The following MYLK variants were observed in gnomAD, a reference collection of about 807,000 sequenced individuals.
MYLK encodes myosin light chain kinase.
A neutral mutation model predicts 203.4 loss-of-function variants in MYLK; 106 were observed. The observed-to-expected ratio is 0.52, with a 90% CI of 0.45 to 0.61. MYLK has a LOEUF of 0.61. Ranked by LOEUF, MYLK falls within the 20% of genes least tolerant of loss-of-function variation. The probability of loss-of-function intolerance (pLI) is 0.00; values close to 1 mark genes in which losing one functional copy is unlikely to be tolerated. For synonymous variants in MYLK, 867 were observed against 959.5 expected (o/e 0.90, Z 1.78); for missense variants, 2,072 against 2,442.3 (o/e 0.85, Z 3.20).
chr3:123,632,362 C>T (rs72968587), intron 29 of MYLK, among the ~76,000 whole-genome samples: 15,517 of 152,154 alleles, frequency 0.1, 1,886 homozygotes, highest in African/African-American at 0.28. Context: ...GGGGGAAGTC[C>T]GGCAGTACTC....
At chr3:123,775,814 C>CCT (rs1340416406) in intron 4 of MYLK, among the ~76,000 whole-genome samples, 1 of 152,132 alleles carries the variant, frequency 6.6e-6, no homozygotes, top group African/African-American at 2.4e-5. Context: ...AGTCAGTGAA[C>CCT]CTCTGGGAAG....
chr3:123,832,009 A>T (rs2066346709), intron 2 of MYLK, among the ~76,000 whole-genome samples: 1 of 152,206 alleles, frequency 6.6e-6, no homozygotes, highest in African/African-American at 2.4e-5. Context: ...GCCTTCCTGC[A>T]GGTGAAAGGC....
intron 29 of MYLK, among the ~76,000 whole-genome samples, chr3:123,637,212 G>A (rs1441448701): frequency 6.6e-6 from 1 of 152,142 alleles, no homozygotes; most frequent in African/African-American, 2.4e-5. Context: ...ACAGGTTCAG[G>A]GGCTAATGAC....
At chr3:123,675,885 G>A (rs2060057688) in intron 20 of MYLK, among the ~76,000 whole-genome samples, 1 of 152,210 alleles carries the variant, frequency 6.6e-6, no homozygotes, top group African/African-American at 2.4e-5. Flanking sequence ...GTCTCATCCA[G>A]TACATGCTTA....
rs2057261461 is a variant in MYLK at position 123,612,132 on chromosome 3, C to T, written c.*1973G>A. ...TGAACTAAATGTGTAAATTCGGCTA[C>T]CTATATAAACAAGAACTTCCTAAAT... On this transcript the variant is annotated 3_prime_UTR_variant, in exon 34 of 34. Coordinates refer to ENST00000360304, the MANE Select transcript of MYLK (RefSeq NM_053025.4). 1 of 152,610 alleles carries T rather than the reference C, an allele frequency of 6.6e-6. No homozygotes were observed. Among genetic ancestry groups the T allele is most frequent in the African/African-American group, 2.4e-5 (1 of 41,444 alleles). The allele number at this position is 152,610 out of a possible 1,614,324, so 9.5% of individuals were successfully genotyped here.
chr3:123,629,718 A>G lies in MYLK; in HGVS notation c.4962-92T>C. 7.2e-7 allele frequency: 1 copy of G among 1,392,592 alleles called. No individual in the cohort carries two copies. Among genetic ancestry groups the G allele is most frequent in the Non-Finnish European group, 1.0e-6 (1 of 986,896 alleles). The allele number at this position is 1,392,592 out of a possible 1,614,324, so 86.3% of individuals were successfully genotyped here. ...CTGAGGTCAAAGGCGAGGGTCGGCC[A>G]GCCTCCCCACCCCCAAACTCATGCT... On this transcript the variant is annotated intron_variant, in intron 29 of 33. Coordinates refer to ENST00000360304, the MANE Select transcript of MYLK (RefSeq NM_053025.4). The surrounding 1 kb of genome is among the most constrained non-coding windows in gnomAD (Gnocchi z 4.4).
At chr3:123,652,298 A>G (rs955776739) in intron 24 of MYLK, among the ~76,000 whole-genome samples, 1 of 152,194 alleles carries the variant, frequency 6.6e-6, no homozygotes, top group African/African-American at 2.4e-5. Context: ...GAACTTAAAA[A>G]AAAAAAAAAT....
intron 31 of MYLK, chr3:123,621,650 C>A: frequency 6.6e-6 from 1 of 152,316 alleles, no homozygotes. Context: ...AAGAGGAGAC[C>A]TACTGCAGTG....
intron 2 of MYLK, among the ~76,000 whole-genome samples, chr3:123,846,896 A>G (rs1217327397): frequency 6.6e-6 from 1 of 151,380 alleles, no homozygotes; most frequent in Non-Finnish European, 1.5e-5. Context: ...TGAAAATGGG[A>G]TCCTTTATCT....
intron 4 of MYLK, among the ~76,000 whole-genome samples, chr3:123,769,374 C>T (rs939573860): frequency 4.7e-4 from 71 of 152,158 alleles, no homozygotes; most frequent in Admixed American, 4.1e-3. Context: ...GCCAGTAACA[C>T]GGGTTATGTT....
intron 24 of MYLK, among the ~76,000 whole-genome samples, chr3:123,649,621 C>T (rs1239339835): frequency 3.3e-5 from 5 of 152,184 alleles, no homozygotes; most frequent in Non-Finnish European, 2.9e-5. Flanking sequence ...ACATTGTTGA[C>T]GGCATCCCAG....
At chr3:123,799,661 C>G (rs1486005492) in intron 3 of MYLK, among the ~76,000 whole-genome samples, 1 of 152,194 alleles carries the variant, frequency 6.6e-6, no homozygotes, top group Non-Finnish European at 1.5e-5. Flanking sequence ...GCCCCAGGCA[C>G]TGACAGCTCC....
At chr3:123,698,601 A>G (rs1427600740) in intron 18 of MYLK, among the ~76,000 whole-genome samples, 1 of 152,114 alleles carries the variant, frequency 6.6e-6, no homozygotes, top group Non-Finnish European at 1.5e-5. Context: ...GAGCCAGCAG[A>G]GGTGGGGGAT....
At position 123,764,990 on chromosome 3, in the gene MYLK, T is replaced by C. The variant is rs57481692; in HGVS notation, c.166-12452A>G. 0.022 allele frequency among the ~76,000 whole-genome samples: 3,308 copies of C among 152,242 alleles called. 416 individuals are homozygous for C. In the East Asian group the frequency reaches 0.38, roughly 17 times the overall value. ...TCTCTCCTCATTCTTTCTGTCCTCATAGGTTTATAAGTTTTCATTTTCTTT... is the reference window on the plus strand; with the variant it reads ...TCTCTCCTCATTCTTTCTGTCCTCACAGGTTTATAAGTTTTCATTTTCTTT... On this transcript the variant is annotated intron_variant, in intron 4 of 33. Transcript: ENST00000360304.
intron 12 of MYLK, among the ~76,000 whole-genome samples, chr3:123,723,650 GC>G (rs918407793): frequency 3.9e-5 from 6 of 152,226 alleles, no homozygotes; most frequent in African/African-American, 1.4e-4. Context: ...TTGGCTCAGG[GC>G]ACATCAGAAT....
chr3:123,664,241 G>A lies in MYLK; in HGVS notation c.3849C>T (p.His1283=). ...KFRKQIQESE[H]MKVENSENGS... ...CATTCTCGCTGTTCTCCACCTTCAT[G>A]TGCTCGCTTTCCTGGATCTAGGGGC... Residue 1283 remains histidine (H), a synonymous_variant, in exon 23 of 34, where the codon CAC becomes CAT. Transcript: ENST00000360304. The A allele has an allele frequency of 6.2e-7, 1 of 1,614,212 alleles. No individual in the cohort carries two copies. Among genetic ancestry groups the A allele is most frequent in the South Asian group, 1.1e-5 (1 of 91,080 alleles).
At chr3:123,664,447 G>A (rs2108326578) in intron 22 of MYLK, among the ~76,000 whole-genome samples, 189 bp from the exon 23 acceptor site, 1 of 151,396 alleles carries the variant, frequency 6.6e-6, no homozygotes, top group Admixed American at 6.6e-5. Flanking sequence ...CAGCTTCCCT[G>A]AGGGTGCCAG....
chr3:123,776,615 G>A (rs1259518008), intron 4 of MYLK, among the ~76,000 whole-genome samples: 1 of 152,200 alleles, frequency 6.6e-6, no homozygotes, highest in Non-Finnish European at 1.5e-5. Context: ...TGGTGACAGA[G>A]TGATTTGAAA....
At chr3:123,770,108 C>T (rs554895857) in intron 4 of MYLK, among the ~76,000 whole-genome samples, 5 of 147,168 alleles carry the variant, frequency 3.4e-5, no homozygotes, top group Admixed American at 6.9e-5. Flanking sequence ...GTCAGGAGTT[C>T]GAGACGAGGC....
Sources: allele counts gnomAD v4.1 joint callset (sites outside exome capture counted in the v4.1 genomes callset), GRCh38; gene constraint gnomAD v4.1.1; non-coding constraint Gnocchi (gnomAD v3.1); transcripts MANE v1.5; gene names NCBI Gene and HGNC (gene_info 2026-07-23, HGNC 2026-07-21).